GRTP1: variants seen among roughly 807,000 people sequenced by gnomAD.
GRTP1 encodes the protein growth hormone regulated TBC protein 1, also known as growth hormone-regulated TBC protein 1.
GRTP1 carries 56 observed loss-of-function variants against 38.1 expected under a neutral mutation model. The observed-to-expected ratio is 1.47, with a 90% confidence interval of 1.19 to 1.84. The LOEUF is 1.84. Among genes scored for constraint, GRTP1 ranks in the 40% most tolerant of loss-of-function variants. The pLI, the probability that GRTP1 is intolerant of heterozygous loss-of-function variation, is 0.00. For missense variants in GRTP1, 506 were observed against 453.9 expected (o/e 1.11, Z -1.04); for synonymous variants, 217 against 189.5 (o/e 1.14, Z -1.19).
chr13:113,331,366 A>G (rs2042868760), intron 5 of GRTP1, among the ~76,000 whole-genome samples: 1 of 152,120 alleles, frequency 6.6e-6, no homozygotes, highest in South Asian at 2.1e-4. Flanking sequence ...TGCCTCTGTG[A>G]GTGACCACAG....
chr13:113,345,457 A>G (rs1337061856), intron 4 of GRTP1, among the ~76,000 whole-genome samples: 1 of 152,246 alleles, frequency 6.6e-6, no homozygotes, highest in African/African-American at 2.4e-5. Context: ...TGCCTCCAAC[A>G]TCACGTATGT....
rs960914202 is a variant in GRTP1, at chr13:113,343,381, A to G, written c.562+1482T>C. Reference sequence around the variant, plus strand: ...CCCAGCCGGGTCAACAGCTCTTCCCACTCCCGGGAGCTCTGTGGGGTTCCC... The same window carrying G: ...CCCAGCCGGGTCAACAGCTCTTCCCGCTCCCGGGAGCTCTGTGGGGTTCCC... On this transcript the variant is annotated intron_variant, in intron 5 of 7. Coordinates refer to ENST00000375431, the MANE Select transcript of GRTP1 (RefSeq NM_024719.4). The surrounding 1 kb of genome is among the most constrained non-coding windows in gnomAD (Gnocchi z 4.8). 6.6e-6 allele frequency among the ~76,000 whole-genome samples: 1 copy of G among 151,222 alleles called. No individual in the cohort carries two copies. The highest frequency in any genetic ancestry group is 6.6e-5 in the Admixed American group (1 of 15,180).
intron 2 of GRTP1, among the ~76,000 whole-genome samples, chr13:113,355,955 T>C (rs1260845626): frequency 6.6e-6 from 1 of 152,178 alleles, no homozygotes; most frequent in Non-Finnish European, 1.5e-5. Flanking sequence ...TCTCTATATA[T>C]TGAAAGCTAC....
At chr13:113,335,488 G>T (rs2042942930) in intron 5 of GRTP1, among the ~76,000 whole-genome samples, 1 of 152,098 alleles carries the variant, frequency 6.6e-6, no homozygotes, top group South Asian at 2.1e-4. Flanking sequence ...TTTGTGTTGG[G>T]AACATTCCAA....
chr13:113,331,955 C>A (rs2042877452), intron 5 of GRTP1, among the ~76,000 whole-genome samples: 1 of 150,998 alleles, frequency 6.6e-6, no homozygotes, highest in South Asian at 2.1e-4. Context: ...CCATGCCTAG[C>A]CTTTTGTTTA....
At chr13:113,345,330 A>G (rs111469499) in intron 4 of GRTP1, among the ~76,000 whole-genome samples, 4 of 152,344 alleles carry the variant, frequency 2.6e-5, no homozygotes, top group African/African-American at 9.6e-5. Context: ...AAATTATACC[A>G]ATGACCACAT....
chr13:113,328,612 T>C (rs572710967), intron 5 of GRTP1, among the ~76,000 whole-genome samples: 2 of 152,322 alleles, frequency 1.3e-5, no homozygotes, highest in East Asian at 3.9e-4. Context: ...CTCAACCTCC[T>C]GGGCTCAAGT....
Position 113,350,866 on chromosome 13 carries a change from C to T in GRTP1, c.448G>A (p.Gly150Arg). 1 of 1,579,476 alleles carries T rather than the reference C, an allele frequency of 6.3e-7. No homozygotes were observed. Among genetic ancestry groups the T allele is most frequent in the Non-Finnish European group, 8.7e-7 (1 of 1,154,994 alleles). The change falls in exon 4 of 8, where the codon GGA becomes AGA. Residue 150 changes from glycine (G) to arginine (R), a missense_variant. Transcript: ENST00000375431. The stretch of plus-strand genomic sequence containing the variant: ...AGGCTCACCTGGCAGTAGCCCACTC[C>T]CTGGTTATGGTGCCCATATGCCAGC... ...VLLAYGHHNQGVGYCQGMNFI... is the reference protein window; with the variant it reads ...VLLAYGHHNQRVGYCQGMNFI...
At chr13:113,344,798 C>A (rs567132822) in intron 5 of GRTP1, 65 bp downstream of exon 5, 8 of 1,441,202 alleles carry the variant, frequency 5.6e-6, no homozygotes, top group Non-Finnish European at 7.4e-6. Flanking sequence ...GATTTCTCAG[C>A]GGAATCATTT....
At chr13:113,340,649 G>A (rs111382535) in intron 5 of GRTP1, among the ~76,000 whole-genome samples, 2,030 of 152,106 alleles carry the variant, frequency 0.013, 56 homozygotes, top group African/African-American at 0.046. Flanking sequence ...GCGTGGTGGC[G>A]GGCGCCTGTA....
chr13:113,345,212 C>G lies in GRTP1; in HGVS notation c.466-253G>C, dbSNP rs1289262137. On this transcript the variant is annotated intron_variant, in intron 4 of 7. Transcript: ENST00000375431. ...TTAAAGAAATCCTGAATACTAAAAT[C>G]AAAGACTCTTCCACTAATGGTAACC... Among the ~76,000 whole-genome samples the G allele has an allele frequency of 2.6e-5, 4 of 152,324 alleles. No homozygotes were observed. The Middle Eastern group carries it at 0.01, about 389-fold the overall frequency.
rs113969651 is a variant in GRTP1, at chr13:113,324,243, T to A, written c.*245A>T. ...TTAGATACAAACCCACACTCACATT[T>A]TATATATTATTGATCTCTCAGGTAA... On this transcript the variant is annotated 3_prime_UTR_variant, in exon 8 of 8. Transcript: ENST00000375431. 5.8e-3 allele frequency: 2,654 copies of A among 456,588 alleles called. 69 individuals are homozygous for A. Among genetic ancestry groups the A allele is most frequent in the African/African-American group, 0.048 (2,367 of 49,554 alleles). 28.3% of individuals were successfully genotyped at this position (456,588 alleles called of 1,614,324 possible). A position where few individuals can be genotyped will look rare whatever the true frequency, so the allele number is the denominator to read the frequency against.
intron 5 of GRTP1, chr13:113,339,884 A>C (rs1384561075): frequency 6.6e-6 from 1 of 152,264 alleles, no homozygotes; most frequent in Non-Finnish European, 1.5e-5. Flanking sequence ...CAAGTTGCTA[A>C]CATTAATAAT....
rs1164649488 is a variant in GRTP1, at chr13:113,343,346, G to A, written c.562+1517C>T. The stretch of plus-strand genomic sequence containing the variant: ...CCTGCTGCTGCTGCTGCTGCACTGG[G>A]TCCCTGGGCCCCAGCCGGGTCAACA... On this transcript the variant is annotated intron_variant, in intron 5 of 7. Transcript: ENST00000375431. This position sits in a 1 kb window ranked among gnomAD's most constrained non-coding sequence, Gnocchi z 4.8. Among the ~76,000 whole-genome samples, 2 of 152,162 alleles carry A rather than the reference G, an allele frequency of 1.3e-5. No homozygotes were observed. The highest frequency in any genetic ancestry group is 2.9e-5 in the Non-Finnish European group (2 of 68,030).
At chr13:113,345,492 C>T (rs958919507) in intron 4 of GRTP1, among the ~76,000 whole-genome samples, 4 of 152,252 alleles carry the variant, frequency 2.6e-5, no homozygotes, top group Non-Finnish European at 5.9e-5. Context: ...AGGGCAGCCC[C>T]AGACCCTGGG....
chr13:113,346,372 G>A lies in GRTP1; in HGVS notation c.466-1413C>T, dbSNP rs1324899125. Among the ~76,000 whole-genome samples the A allele has an allele frequency of 2.6e-4, 2 of 7,568 alleles. 1 individual carries two copies. The highest frequency in any genetic ancestry group is 8.2e-4 in the African/African-American group (2 of 2,432). 5.0% of individuals were successfully genotyped at this position (7,568 alleles called of 152,430 possible). On this transcript the variant is annotated intron_variant, in intron 4 of 7. Coordinates refer to ENST00000375431, the MANE Select transcript of GRTP1 (RefSeq NM_024719.4). ...CGGACCCAGGAGGACCTCTGTGGCT[G>A]AGAGCGGACCTGGGAGGACCTCTGT...
At chr13:113,353,162 A>C (rs2043316833) in intron 3 of GRTP1, among the ~76,000 whole-genome samples, 1 of 140,162 alleles carries the variant, frequency 7.1e-6, no homozygotes, top group African/African-American at 2.7e-5. Context: ...CCAGCCCCAC[A>C]CTCTGGGTAG....
chr13:113,340,555 G>A (rs1027326691), intron 5 of GRTP1, among the ~76,000 whole-genome samples: 15 of 152,004 alleles, frequency 9.9e-5, no homozygotes, highest in African/African-American at 1.7e-4. Flanking sequence ...CAAGGTGGGC[G>A]GATCACCTGA....
intron 2 of GRTP1, among the ~76,000 whole-genome samples, chr13:113,357,998 G>A (rs2043426737): frequency 6.6e-6 from 1 of 152,096 alleles, no homozygotes; most frequent in Non-Finnish European, 1.5e-5. Context: ...GACCAACATG[G>A]CAAAACCCCG....
Sources: gnomAD v4.1 joint callset for allele counts (sites outside exome capture counted in the v4.1 genomes callset) on GRCh38, gnomAD v4.1.1 for gene constraint, Gnocchi (gnomAD v3.1) non-coding constraint, MANE v1.5 for transcripts, NCBI Gene and HGNC (gene_info 2026-07-23, HGNC 2026-07-21) for gene names.